Variants in EDA observed in about 807,000 individuals in gnomAD.
EDA encodes ectodysplasin-A.
EDA carries 2 observed loss-of-function variants against 23.6 expected under a neutral mutation model. The observed-to-expected ratio is 0.08, with a 90% CI of 0.03 to 0.27. The LOEUF (loss-of-function observed/expected upper bound fraction) is 0.27, where lower values mean the gene tolerates loss of function less well. Ranked by LOEUF, EDA falls within the 10% of genes least tolerant of loss-of-function variation. EDA has a pLI of 1.00. For synonymous variants in EDA, 131 were observed against 132.0 expected (o/e 0.99, Z 0.05); for missense variants, 229 against 324.2 (o/e 0.71, Z 2.26).
At chrX:69,937,533 A>C in intron 1 of EDA, 1 of 995,635 alleles carries the variant, frequency 1.0e-6, no homozygotes, top group Non-Finnish European at 1.4e-6. Flanking sequence ...TAAATAGCCA[A>C]AGTTGTAACT....
chrX:69,916,552 G>A lies in EDA; in HGVS notation c.397-40475G>A, dbSNP rs2733921. Among the ~76,000 whole-genome samples the A allele has an allele frequency of 7.2e-3, 782 of 108,329 alleles. 3 individuals carry two copies. Among genetic ancestry groups the A allele is most frequent in the Non-Finnish European group, 0.013 (664 of 52,233 alleles). 94.1% of individuals were successfully genotyped at this position (108,329 alleles called of 115,157 possible). ...CAAGTAGCTGGGACTACAGGCACCC[G>A]CCACCACGCCCGGCTAATTTTTTTG... is the stretch of plus-strand genomic sequence containing the variant. On this transcript the variant is annotated intron_variant, in intron 1 of 7. Coordinates refer to ENST00000374552, the MANE Select transcript of EDA (RefSeq NM_001399.5).
At chrX:69,688,948 C>T (rs1356763187) in intron 1 of EDA, among the ~76,000 whole-genome samples, 1 of 111,758 alleles carries the variant, frequency 8.9e-6, no homozygotes, top group African/African-American at 3.2e-5. Flanking sequence ...AGGAGTAGAT[C>T]CAACTTCATT....
rs151019114 is a variant in EDA, at chrX:69,634,020, C to T, written c.396+17316C>T. ...TCCAGTTTCTCCACATCCCTGCCAACGCTTGTTGTGATCTTTTTTATTATA... is the reference window on the plus strand; with the variant it reads ...TCCAGTTTCTCCACATCCCTGCCAATGCTTGTTGTGATCTTTTTTATTATA... On this transcript the variant is annotated intron_variant, in intron 1 of 7. Transcript: ENST00000374552. Among the ~76,000 whole-genome samples, 46 of 112,095 alleles carry T rather than the reference C, an allele frequency of 4.1e-4. No homozygotes were observed. In the East Asian group the frequency reaches 0.011, roughly 27 times the overall value.
At chrX:69,751,412 G>A (rs1278589565) in intron 1 of EDA, among the ~76,000 whole-genome samples, 45 of 112,587 alleles carry the variant, frequency 4.0e-4, no homozygotes, top group African/African-American at 1.4e-3. Context: ...GTACCATGCT[G>A]TTTTGGTTAC....
chrX:69,764,094 A>C (rs182875576), intron 1 of EDA, among the ~76,000 whole-genome samples: 29 of 109,593 alleles, frequency 2.6e-4, no homozygotes, highest in Middle Eastern at 4.6e-3. Context: ...GATTAGAACA[A>C]AGGAAAGTGT....
At chrX:69,763,917 T>A (rs1368081583) in intron 1 of EDA, among the ~76,000 whole-genome samples, 1 of 111,708 alleles carries the variant, frequency 9.0e-6, no homozygotes, top group Non-Finnish European at 1.9e-5. Flanking sequence ...CATTGAGCTT[T>A]CCTTTAGAAA....
intron 1 of EDA, among the ~76,000 whole-genome samples, chrX:69,834,885 A>G (rs1187514443): frequency 9.0e-6 from 1 of 111,467 alleles, no homozygotes; most frequent in East Asian, 2.8e-4. Context: ...TGTTTCCTTC[A>G]GGAGCTCTTG....
At chrX:69,782,283 C>A (rs1483858172) in intron 1 of EDA, among the ~76,000 whole-genome samples, 1 of 103,365 alleles carries the variant, frequency 9.7e-6, no homozygotes, top group African/African-American at 3.6e-5. Flanking sequence ...GTGAGTCAGT[C>A]ATGCACAAAA....
At chrX:69,870,906 A>G (rs759178446) in intron 1 of EDA, among the ~76,000 whole-genome samples, 1 of 111,598 alleles carries the variant, frequency 9.0e-6, no homozygotes, top group African/African-American at 3.3e-5. Flanking sequence ...TTTGCGGCTC[A>G]GTATCTGCTT....
intron 1 of EDA, among the ~76,000 whole-genome samples, chrX:69,763,940 T>C (rs1055531038): frequency 1.3e-4 from 14 of 111,543 alleles, no homozygotes; most frequent in African/African-American, 4.6e-4. Flanking sequence ...CAGACTAGCG[T>C]TGACCTGCTA....
At chrX:69,846,334 G>A (rs1261980915) in intron 1 of EDA, among the ~76,000 whole-genome samples, 1 of 110,822 alleles carries the variant, frequency 9.0e-6, no homozygotes, top group Non-Finnish European at 1.9e-5. Context: ...TTGCTCTGTC[G>A]CCCAGGCTGG....
Position 69,834,138 on chromosome X carries a change from A to C in EDA, c.397-122889A>C, listed in dbSNP as rs951450847. Among the ~76,000 whole-genome samples, 3 of 110,452 alleles carry C rather than the reference A, an allele frequency of 2.7e-5. No homozygotes were observed. In the East Asian group the frequency reaches 8.7e-4, roughly 32 times the overall value. On this transcript the variant is annotated intron_variant, in intron 1 of 7. Coordinates refer to ENST00000374552, the MANE Select transcript of EDA (RefSeq NM_001399.5). Reference sequence around the variant, plus strand: ...CCCTACAAAGGACATGAACTCATCCAACTATGTGTTATATGTGGTCAATTT... The same window carrying C: ...CCCTACAAAGGACATGAACTCATCCCACTATGTGTTATATGTGGTCAATTT...
chrX:69,825,592 T>C (rs1387089219), intron 1 of EDA, among the ~76,000 whole-genome samples: 20 of 80,105 alleles, frequency 2.5e-4, no homozygotes, highest in Non-Finnish European at 5.3e-4. Flanking sequence ...TCTCTCTTTT[T>C]CTCTTTATTA....
chrX:69,935,081 C>T (rs1014843155), intron 1 of EDA, among the ~76,000 whole-genome samples: 1 of 111,717 alleles, frequency 9.0e-6, no homozygotes, highest in Non-Finnish European at 1.9e-5. Flanking sequence ...ATTAACGTCA[C>T]GACCTCCATT....
chrX:69,827,579 A>G (rs1012157642), intron 1 of EDA, among the ~76,000 whole-genome samples: 3 of 111,135 alleles, frequency 2.7e-5, no homozygotes, highest in Admixed American at 9.6e-5. Flanking sequence ...CTCTGTATTG[A>G]TTATTCTAGT....
intron 1 of EDA, among the ~76,000 whole-genome samples, chrX:69,688,006 T>C (rs1007792704): frequency 5.4e-5 from 6 of 111,669 alleles, no homozygotes; most frequent in Admixed American, 2.9e-4. Context: ...GGGGCTTGGA[T>C]GGCAAAATGA....
intron 1 of EDA, among the ~76,000 whole-genome samples, chrX:69,712,431 A>G (rs1006759910): frequency 8.9e-6 from 1 of 111,900 alleles, no homozygotes; most frequent in Non-Finnish European, 1.9e-5. Flanking sequence ...AAAAGAAGAC[A>G]TTTATGCAGC....
At chrX:69,849,630 A>G (rs960204046) in intron 1 of EDA, among the ~76,000 whole-genome samples, 5 of 111,632 alleles carry the variant, frequency 4.5e-5, no homozygotes, top group African/African-American at 6.5e-5. Context: ...TATAATTCTC[A>G]TTTGGCACTT....
Position 69,617,003 on chromosome X carries a change from G to C in EDA, c.396+299G>C, listed in dbSNP as rs1005630422. On this transcript the variant is annotated intron_variant, in intron 1 of 7. Transcript: ENST00000374552. ...ACGCTCCCGTCGAGGAGGTGCCTGC[G>C]CTGCCCCCCGGCCGACTAACGGCTT... 1.9e-5 allele frequency: 8 copies of C among 416,735 alleles called. No homozygotes were observed. The African/African-American group carries it at 2.0e-4, about 10-fold the overall frequency. The allele number at this position is 416,735 out of a possible 1,213,427, so 34.3% of individuals were successfully genotyped here. A position where few individuals can be genotyped will look rare whatever the true frequency, so the allele number is the denominator to read the frequency against.
Sources: gnomAD v4.1 joint callset for allele counts (sites outside exome capture counted in the v4.1 genomes callset) on GRCh38, gnomAD v4.1.1 for gene constraint, MANE v1.5 for transcripts, NCBI Gene and HGNC (gene_info 2026-07-23, HGNC 2026-07-21) for gene names.